Variants in LY75 observed in about 807,000 individuals in gnomAD.
The protein encoded by LY75 is lymphocyte antigen 75.
A neutral mutation model predicts 231.7 loss-of-function variants in LY75; 185 were observed. The ratio of observed to expected loss-of-function variants is 0.80; its 90% confidence interval spans 0.71 to 0.90. The LOEUF (loss-of-function observed/expected upper bound fraction) is 0.90, where lower values mean the gene tolerates loss of function less well. Ranked by LOEUF, LY75 falls within the 40% of genes least tolerant of loss-of-function variation. The pLI, the probability that LY75 is intolerant of heterozygous loss-of-function variation, is 0.00. For missense variants in LY75, 1,947 were observed against 2,050.2 expected (o/e 0.95, Z 0.97); for synonymous variants, 668 against 689.0 (o/e 0.97, Z 0.48).
At chr2:159,808,418 T>C in intron 33 of LY75, 31 bp downstream of exon 33, 1 of 1,613,356 alleles carries the variant, frequency 6.2e-7, no homozygotes, top group Non-Finnish European at 8.5e-7. Context: ...GAACTCTCTT[T>C]GCACACTACA....
chr2:159,880,487 C>A (rs1480559217), intron 8 of LY75, among the ~76,000 whole-genome samples: 1 of 152,170 alleles, frequency 6.6e-6, no homozygotes, highest in Non-Finnish European at 1.5e-5. Context: ...TGGGTGCAGG[C>A]CCTGGTCCTG....
intron 2 of LY75, among the ~76,000 whole-genome samples, chr2:159,897,590 G>A (rs1197949943): frequency 6.6e-6 from 1 of 152,148 alleles, no homozygotes; most frequent in Admixed American, 6.5e-5. Flanking sequence ...TGTGCAGATG[G>A]ATAATGGAAA....
intron 15 of LY75, among the ~76,000 whole-genome samples, chr2:159,859,488 A>T (rs1684637483): frequency 6.6e-6 from 1 of 152,094 alleles, no homozygotes; most frequent in African/African-American, 2.4e-5. Context: ...CCCTTTTTTT[A>T]AAAATATACA....
At position 159,872,434 on chromosome 2, in the gene LY75, CATTCTT is replaced by C. The variant is rs1685043190; in HGVS notation, c.2117+11_2117+16del. ...ACATCAAATTCAGCATAGAAATTCT[CATTCTT>C]AAAGTATTACCTGAACTGGTCCGTT... On this transcript the variant is annotated intron_variant, in intron 13 of 34. Coordinates refer to ENST00000263636, the MANE Select transcript of LY75 (RefSeq NM_002349.4). The C allele has an allele frequency of 1.9e-6, 3 of 1,609,646 alleles. No individual in the cohort carries two copies. Among genetic ancestry groups the C allele is most frequent in the Non-Finnish European group, 1.7e-6 (2 of 1,178,128 alleles).
rs1341394980 is a variant in LY75 at position 159,850,791 on chromosome 2, T to TATATATATATATATATATATAA, written c.2884-325_2884-324insTTATATATATATATATATATAT. On this transcript the variant is annotated intron_variant, in intron 21 of 34. Coordinates refer to ENST00000263636, the MANE Select transcript of LY75 (RefSeq NM_002349.4). ...AAACTTTCATATATATATATATATA[T>TATATATATATATATATATATAA]ATATATATTATATCTTATATATAAG... Among the ~76,000 whole-genome samples the TATATATATATATATATATATAA allele has an allele frequency of 2.2e-4, 21 of 94,474 alleles. 1 individual carries two copies. The highest frequency in any genetic ancestry group is 6.5e-4 in the East Asian group (3 of 4,626). 62.0% of individuals were successfully genotyped at this position (94,474 alleles called of 152,430 possible). A position where few individuals can be genotyped will look rare whatever the true frequency, so the allele number is the denominator to read the frequency against.
chr2:159,813,828 C>T (rs1227532824), intron 31 of LY75: 3 of 152,128 alleles, frequency 2.0e-5, no homozygotes, highest in Admixed American at 1.3e-4. Context: ...TTATGTCTGG[C>T]CATCTTATCA....
intron 31 of LY75, among the ~76,000 whole-genome samples, chr2:159,814,754 C>T (rs115768520): frequency 1.4e-3 from 218 of 151,704 alleles, no homozygotes; most frequent in African/African-American, 4.7e-3. Flanking sequence ...AACTTTAATA[C>T]GGTAAATCAC....
chr2:159,841,089 TGAGA>T, intron 24 of LY75, 134 bp from the exon 25 acceptor site: 1 of 1,379,360 alleles, frequency 7.2e-7, no homozygotes, highest in Non-Finnish European at 9.6e-7. Flanking sequence ...AGATTTTGGG[TGAGA>T]GAATTAGGTA....
chr2:159,892,110 C>T (rs559415777), intron 3 of LY75, among the ~76,000 whole-genome samples: 1 of 152,204 alleles, frequency 6.6e-6, no homozygotes, highest in African/African-American at 2.4e-5. Context: ...ATTTGGGGGG[C>T]CCACCAAAAA....
intron 1 of LY75, among the ~76,000 whole-genome samples, chr2:159,900,329 AC>A (rs1686037456): frequency 6.6e-6 from 1 of 152,234 alleles, no homozygotes; most frequent in Non-Finnish European, 1.5e-5. Flanking sequence ...GTTACAACAA[AC>A]TATAATCAGA....
intron 23 of LY75, among the ~76,000 whole-genome samples, chr2:159,846,226 A>AC (rs1188308902): frequency 6.6e-6 from 1 of 151,848 alleles, no homozygotes; most frequent in African/African-American, 2.4e-5. Context: ...GGAAAAAAAA[A>AC]ACACACAAAA....
chr2:159,880,918 C>T (rs113408865), intron 8 of LY75, among the ~76,000 whole-genome samples, 165 bp downstream of exon 8: 4 of 152,312 alleles, frequency 2.6e-5, no homozygotes, highest in Admixed American at 6.5e-5. Flanking sequence ...TCCTGCTGTG[C>T]GGCCCAATTC....
intron 16 of LY75, 42 bp downstream of exon 16, chr2:159,858,320 G>A (rs1285426517): frequency 1.3e-6 from 2 of 1,599,116 alleles, no homozygotes; most frequent in Non-Finnish European, 1.7e-6. Context: ...CATTCACAAT[G>A]TTAACATGAG....
intron 18 of LY75, 129 bp downstream of exon 18, chr2:159,854,231 G>T: frequency 1.7e-6 from 1 of 580,568 alleles, no homozygotes; most frequent in Non-Finnish European, 2.5e-6. Flanking sequence ...AAATTTGGAT[G>T]CTGTGAGGCA....
At chr2:159,848,949 C>T (rs1684298722) in intron 23 of LY75, among the ~76,000 whole-genome samples, 1 of 151,970 alleles carries the variant, frequency 6.6e-6, no homozygotes, top group Non-Finnish European at 1.5e-5. Context: ...ACTTTTGTTT[C>T]AATTAATATT....
intron 1 of LY75, 124 bp downstream of exon 1, chr2:159,904,465 C>A (rs943648843): frequency 1.8e-6 from 2 of 1,123,004 alleles, no homozygotes; most frequent in Non-Finnish European, 1.2e-6. Flanking sequence ...CAGAGCCCCC[C>A]CGCCCCAACA....
chr2:159,850,318 GC>G (rs1427854293), intron 22 of LY75, 43 bp downstream of exon 22: 4 of 1,603,776 alleles, frequency 2.5e-6, no homozygotes, highest in Admixed American at 3.5e-5. Context: ...AACTAACCTG[GC>G]CCCAGATCAG....
intron 14 of LY75, among the ~76,000 whole-genome samples, chr2:159,864,271 T>C (rs1422110135): frequency 1.3e-5 from 2 of 152,180 alleles, no homozygotes; most frequent in African/African-American, 2.4e-5. Flanking sequence ...TTTTGGTTTT[T>C]GTTGTCTGTG....
At position 159,840,951 on chromosome 2, in the gene LY75, A is replaced by C; in HGVS notation, c.3285T>G (p.Val1095=). The change falls in exon 25 of 35, where the codon GTT becomes GTG. Residue 1095 remains valine, a synonymous_variant. Coordinates refer to ENST00000263636, the MANE Select transcript of LY75 (RefSeq NM_002349.4). The part of the protein sequence containing the change: ...FVSLCQKYSE[V]KSRQTLQNAS... ...CATTCTGCAACGTCTGTCTGCTTTT[A>C]ACTTCTGCATGTAAAAGAAAACAAC... is the stretch of plus-strand genomic sequence containing the variant. The C allele has an allele frequency of 4.3e-6, 7 of 1,613,176 alleles. No homozygotes were observed. The highest frequency in any genetic ancestry group is 5.9e-6 in the Non-Finnish European group (7 of 1,179,780).
Sources: allele counts gnomAD v4.1 joint callset (sites outside exome capture counted in the v4.1 genomes callset), GRCh38; gene constraint gnomAD v4.1.1; transcripts MANE v1.5; gene names NCBI Gene and HGNC (gene_info 2026-07-23, HGNC 2026-07-21).